Variants in MAP3K3 observed in about 807,000 individuals in gnomAD.
MAP3K3 encodes the protein mitogen-activated protein kinase kinase kinase 3.
A neutral mutation model predicts 80.9 loss-of-function variants in MAP3K3; 12 were observed. That is an observed-to-expected ratio of 0.15 (90% confidence interval 0.10 to 0.24). The LOEUF (loss-of-function observed/expected upper bound fraction) is 0.24, where lower values mean the gene tolerates loss of function less well. Among genes scored for constraint, MAP3K3 ranks in the 10% least tolerant of loss-of-function variants. The probability of loss-of-function intolerance (pLI) is 1.00; values close to 1 mark genes in which losing one functional copy is unlikely to be tolerated. For synonymous variants in MAP3K3, 272 were observed against 307.1 expected, an observed-to-expected ratio of 0.89 and a Z score of 1.19; for missense variants, 596 against 834.7, an observed-to-expected ratio of 0.71 and a Z score of 3.52.
intron 2 of MAP3K3, among the ~76,000 whole-genome samples, chr17:63,634,427 G>T (rs536943794): frequency 1.8e-4 from 27 of 152,304 alleles, no homozygotes; most frequent in African/African-American, 5.5e-4. Context: ...GGGCGGAATG[G>T]TCACTGATGG....
At chr17:63,677,098 T>G (rs891082469) in intron 6 of MAP3K3, among the ~76,000 whole-genome samples, 3 of 152,234 alleles carry the variant, frequency 2.0e-5, no homozygotes, top group African/African-American at 7.2e-5. Flanking sequence ...TATGCGGATA[T>G]GTACCTGTGC....
intron 1 of MAP3K3, among the ~76,000 whole-genome samples, chr17:63,625,244 A>G (rs1273185886): frequency 1.3e-5 from 2 of 152,186 alleles, no homozygotes; most frequent in East Asian, 3.8e-4. Flanking sequence ...AGCCCCAATG[A>G]ATTTCTAGTG....
In MAP3K3 at chr17:63,666,943, A is replaced by G. The variant is rs1278640447; in HGVS notation, c.385A>G (p.Ser129Gly). The G allele has an allele frequency of 6.2e-7, 1 of 1,613,000 alleles. No homozygotes were observed. Among genetic ancestry groups the G allele is most frequent in the Admixed American group, 1.7e-5 (1 of 59,670 alleles). The change falls in exon 6 of 16, where the codon AGT becomes GGT. Residue 129 changes from serine to glycine, a missense_variant. Physicochemically the swap from Ser to Gly is moderately conservative, Grantham distance 56. This residue lies in a region of MAP3K3 where 232 missense variants were observed against 245.8 expected (regional missense o/e 0.94). Coordinates refer to ENST00000361733, the MANE Select transcript of MAP3K3 (RefSeq NM_002401.5). Reference sequence around the variant, plus strand: ...CCTTTTTCCTCTTCTTTTACAGAACAGTTCCTCTCCCCACTCTGGGGTGTC... The same window carrying G: ...CCTTTTTCCTCTTCTTTTACAGAACGGTTCCTCTCCCCACTCTGGGGTGTC... ...LLLSQDRNHN[S>G]SSPHSGVSRQ... is the part of the protein sequence containing the mutation.
chr17:63,669,751 C>T (rs2035067128), intron 6 of MAP3K3, among the ~76,000 whole-genome samples: 1 of 152,094 alleles, frequency 6.6e-6, no homozygotes, highest in Admixed American at 6.5e-5. Flanking sequence ...CACGCCTCAA[C>T]CTATCATGTT....
rs1003251631 is a variant in MAP3K3 at position 63,679,155 on chromosome 17, C to G, written c.503-2611C>G. ...GGGGCCCATGCCTTTAATCCCAGCA[C>G]TTTGGGAGGCCAAGGCTTGAGACCA... On this transcript the variant is annotated intron_variant, in intron 6 of 15. Transcript: ENST00000361733. Among the ~76,000 whole-genome samples, 10 of 152,314 alleles carry G rather than the reference C, an allele frequency of 6.6e-5. No individual in the cohort carries two copies. The East Asian group carries it at 1.9e-3, about 29-fold the overall frequency.
At chr17:63,674,988 C>A (rs1413643877) in intron 6 of MAP3K3, among the ~76,000 whole-genome samples, 1 of 152,176 alleles carries the variant, frequency 6.6e-6, no homozygotes, top group Non-Finnish European at 1.5e-5. Flanking sequence ...GAAGCCAGGA[C>A]TGTAGAGGTA....
rs2035534277 is a variant in MAP3K3, at chr17:63,689,453, T to C, written c.872-91T>C. The C allele has an allele frequency of 6.1e-6, 7 of 1,154,002 alleles. No individual in the cohort carries two copies. Among genetic ancestry groups the C allele is most frequent in the Non-Finnish European group, 8.6e-6 (7 of 815,276 alleles). The allele number at this position is 1,154,002 out of a possible 1,614,324, so 71.5% of individuals were successfully genotyped here. A position where few individuals can be genotyped will look rare whatever the true frequency, so the allele number is the denominator to read the frequency against. The stretch of plus-strand genomic sequence containing the variant: ...GAGACCTGGTTTGTATATTCCGCCT[T>C]GTAGCCCGGGGTGTCTCAGACCTGG... On this transcript the variant is annotated intron_variant, in intron 10 of 15. Coordinates refer to ENST00000361733, the MANE Select transcript of MAP3K3 (RefSeq NM_002401.5). The surrounding 1 kb of genome is among the most constrained non-coding windows in gnomAD (Gnocchi z 4.3).
At chr17:63,665,922 T>G (rs938176196) in intron 5 of MAP3K3, among the ~76,000 whole-genome samples, 1 of 152,146 alleles carries the variant, frequency 6.6e-6, no homozygotes, top group African/African-American at 2.4e-5. Flanking sequence ...GGACTTTTTT[T>G]GTTAGGGGGA....
rs201478965 is a variant in MAP3K3 at position 63,691,907 on chromosome 17, A to G, written c.1474+45A>G. On this transcript the variant is annotated intron_variant, in intron 14 of 15. Coordinates refer to ENST00000361733, the MANE Select transcript of MAP3K3 (RefSeq NM_002401.5). The surrounding 1 kb of genome is among the most constrained non-coding windows in gnomAD (Gnocchi z 4.8). ...ATGGAGTCCCCAGGACCTGGGTTCA[A>G]GTCTACCATTGAGTGCCTGCAGGGG... 6.9e-6 allele frequency: 11 copies of G among 1,597,470 alleles called. No homozygotes were observed. The East Asian group carries it at 1.1e-4, about 16-fold the overall frequency.
At chr17:63,661,000 A>G (rs1033017610) in intron 5 of MAP3K3, among the ~76,000 whole-genome samples, 6 of 152,220 alleles carry the variant, frequency 3.9e-5, no homozygotes, top group Admixed American at 1.3e-4. Flanking sequence ...GGCCAAGGCC[A>G]TGTCTGAGAG....
At chr17:63,655,597 C>T (rs780332184) in intron 4 of MAP3K3, among the ~76,000 whole-genome samples, 1 of 152,018 alleles carries the variant, frequency 6.6e-6, no homozygotes. Context: ...TTCAAGTGAT[C>T]CCCCCACCTC....
rs1312661522 is a variant in MAP3K3 at position 63,643,107 on chromosome 17, C to T, written c.127-2927C>T. Reference sequence around the variant, plus strand: ...AAAAAAATTAAACAAAAACAAAAACCTGAGGAAATATGTGAGTAAACTATG... The same window carrying T: ...AAAAAAATTAAACAAAAACAAAAACTTGAGGAAATATGTGAGTAAACTATG... On this transcript the variant is annotated intron_variant, in intron 2 of 15. Transcript: ENST00000361733. Among the ~76,000 whole-genome samples, 4 of 151,622 alleles carry T rather than the reference C, an allele frequency of 2.6e-5. No individual in the cohort carries two copies. In the South Asian group the frequency reaches 8.3e-4, roughly 32 times the overall value.
intron 6 of MAP3K3, among the ~76,000 whole-genome samples, chr17:63,672,330 T>C (rs1207612761): frequency 6.7e-6 from 1 of 149,196 alleles, no homozygotes; most frequent in Admixed American, 6.7e-5. Flanking sequence ...TTTGCAGATA[T>C]TGAGAGAGAG....
intron 8 of MAP3K3, among the ~76,000 whole-genome samples, chr17:63,688,048 CA>C (rs1247038542): frequency 6.6e-6 from 1 of 152,196 alleles, no homozygotes; most frequent in Admixed American, 6.5e-5. Context: ...CCTAGCTGCT[CA>C]TCAAGTGGAT....
chr17:63,679,632 G>A (rs376421668), intron 6 of MAP3K3, among the ~76,000 whole-genome samples: 8 of 152,024 alleles, frequency 5.3e-5, no homozygotes, highest in Non-Finnish European at 7.4e-5. Flanking sequence ...ACAAGTGTGC[G>A]CCTGGCTAAT....
Position 63,660,929 on chromosome 17 carries a change from A to G in MAP3K3, c.381+3022A>G, listed in dbSNP as rs1326311698. Among the ~76,000 whole-genome samples, 7 of 151,420 alleles carry G rather than the reference A, an allele frequency of 4.6e-5. No homozygotes were observed. The South Asian group carries it at 8.3e-4, about 18-fold the overall frequency. Reference sequence around the variant, plus strand: ...TTCTGATCCCTATATGGCAGCTTCTAATTTTCCTTCTGTCTTCATTCCTCA... The same window carrying G: ...TTCTGATCCCTATATGGCAGCTTCTGATTTTCCTTCTGTCTTCATTCCTCA... On this transcript the variant is annotated intron_variant, in intron 5 of 15. Coordinates refer to ENST00000361733, the MANE Select transcript of MAP3K3 (RefSeq NM_002401.5).
chr17:63,648,695 G>A (rs571850578), intron 3 of MAP3K3, among the ~76,000 whole-genome samples: 24 of 152,196 alleles, frequency 1.6e-4, no homozygotes, highest in African/African-American at 4.6e-4. Flanking sequence ...GGCGTCTGTA[G>A]TCCCAGCTAC....
At chr17:63,684,949 G>C (rs1025216857) in intron 7 of MAP3K3, among the ~76,000 whole-genome samples, 1 of 152,060 alleles carries the variant, frequency 6.6e-6, no homozygotes, top group Non-Finnish European at 1.5e-5. Context: ...TTTGACCAGG[G>C]GCCAGAGAAA....
intron 2 of MAP3K3, among the ~76,000 whole-genome samples, chr17:63,634,168 A>G (rs915131835): frequency 1.1e-4 from 17 of 152,178 alleles, no homozygotes; most frequent in African/African-American, 4.1e-4. Flanking sequence ...CTCCCTTGCT[A>G]TAACTCATTT....
Sources: allele counts gnomAD v4.1 joint callset (sites outside exome capture counted in the v4.1 genomes callset), GRCh38; gene constraint gnomAD v4.1.1; regional missense constraint gnomAD v4.1.1; non-coding constraint Gnocchi (gnomAD v3.1); transcripts MANE v1.5; gene names NCBI Gene and HGNC (gene_info 2026-07-23, HGNC 2026-07-21).